The following ZNF214 variants were observed in gnomAD, a reference collection of about 807,000 sequenced individuals.
The protein encoded by ZNF214 is zinc finger protein 214.
A neutral mutation model predicts 53.9 loss-of-function variants in ZNF214; 43 were observed. The observed-to-expected ratio is 0.80, with a 90% CI of 0.63 to 1.03. ZNF214 has a LOEUF of 1.03. ZNF214 is among the 50% of genes least tolerant of loss of function. The pLI, the probability that ZNF214 is intolerant of heterozygous loss-of-function variation, is 0.00. For synonymous variants in ZNF214, 217 were observed against 229.5 expected (o/e 0.95, Z 0.49); for missense variants, 724 against 719.1 (o/e 1.01, Z -0.08).
At chr11:7,018,978 T>TCATC (rs1851846328) in intron 1 of ZNF214, among the ~76,000 whole-genome samples, 1 of 152,118 alleles carries the variant, frequency 6.6e-6, no homozygotes, top group Non-Finnish European at 1.5e-5. Context: ...TTCTGTCCAG[T>TCATC]CATCCATCCA....
chr11:7,009,549 T>C (rs185397284), intron 1 of ZNF214, among the ~76,000 whole-genome samples: 6 of 152,160 alleles, frequency 3.9e-5, no homozygotes, highest in South Asian at 2.1e-4. Context: ...CCAAAAGCAA[T>C]TGCAACAAAA....
intron 1 of ZNF214, chr11:7,016,036 A>G (rs1851755990): frequency 6.6e-6 from 1 of 152,206 alleles, no homozygotes; most frequent in South Asian, 2.1e-4. Context: ...TGGCAAAAAA[A>G]AAAAATTAAG....
In ZNF214 at chr11:6,999,667, CTA is replaced by C; in HGVS notation, c.*193_*194del. The C allele has an allele frequency of 2.0e-6, 1 of 499,904 alleles. No homozygotes were observed. Among genetic ancestry groups the C allele is most frequent in the Non-Finnish European group, 3.3e-6 (1 of 298,978 alleles). 31.0% of individuals were successfully genotyped at this position (499,904 alleles called of 1,614,324 possible). On this transcript the variant is annotated 3_prime_UTR_variant, in exon 3 of 3. Transcript: ENST00000278314. Reference sequence around the variant, plus strand: ...TTTATAGTAGGTAAAGAAAAATACACTATAATTTTAAATATATAGGGTTTTTT... The same window carrying C: ...TTTATAGTAGGTAAAGAAAAATACACTAATTTTAAATATATAGGGTTTTTT...
Position 7,001,246 on chromosome 11 carries a change from G to C in ZNF214, c.437C>G (p.Thr146Ser). The C allele has an allele frequency of 5.0e-6, 8 of 1,613,190 alleles. No individual in the cohort carries two copies. The highest frequency in any genetic ancestry group is 6.8e-6 in the Non-Finnish European group (8 of 1,179,494). ...GATTTCTCTACCATAGTCTTGAGTG[G>C]TTTTTGTTTCTAAGGACTGCCAAGG... ...FMPWQSLETK[T>S]TQDYGREIYM... Residue 146 changes from threonine to serine, a missense_variant, in exon 3 of 3, where the codon ACC becomes AGC. By Grantham distance (58) the Thr-to-Ser change is moderately conservative. Transcript: ENST00000278314.
chr11:7,004,479 A>G (rs551362090), intron 1 of ZNF214, among the ~76,000 whole-genome samples: 2 of 152,228 alleles, frequency 1.3e-5, no homozygotes, highest in East Asian at 1.9e-4. Flanking sequence ...CTTTCCATTC[A>G]AGAAGTGAAG....
Position 7,000,028 on chromosome 11 carries a change from T to G in ZNF214, c.1655A>C (p.Lys552Thr), listed in dbSNP as rs1317401797. The stretch of plus-strand genomic sequence containing the variant: ...ACCACACTTAGCACATTGATAAGGC[T>G]TCTCTCCTGTATGGACCCTCTGATG... ...HIHQRVHTGE[K>T]PYQCAKCGKG... Residue 552 changes from lysine to threonine, a missense_variant, in exon 3 of 3, where the codon AAG (lysine) becomes ACG (threonine). By Grantham distance (78) the Lys-to-Thr change is moderately conservative. Transcript: ENST00000278314. 1 of 1,613,370 alleles carries G rather than the reference T, an allele frequency of 6.2e-7. No individual in the cohort carries two copies. The highest frequency in any genetic ancestry group is 2.2e-5 in the East Asian group (1 of 44,850).
chr11:7,004,246 T>C (rs979254287), intron 1 of ZNF214, among the ~76,000 whole-genome samples: 7 of 152,050 alleles, frequency 4.6e-5, no homozygotes, highest in Non-Finnish European at 1.0e-4. Context: ...CCCAAATAAT[T>C]TAAGAAATAA....
In ZNF214 at chr11:7,001,295, T is replaced by A; in HGVS notation, c.388A>T (p.Asn130Tyr). The change falls in exon 3 of 3, where the codon AAC becomes TAC. Residue 130 changes from asparagine to tyrosine, a missense_variant. Coordinates refer to ENST00000278314, the MANE Select transcript of ZNF214 (RefSeq NM_013249.4). ...GGCATAAAATTTTTATATTTTAAGT[T>A]CCTGAGACTTTTGCTTTCAAAAGTC... is the stretch of plus-strand genomic sequence containing the variant. ...ELTFESKSLR[N>Y]LKYKNFMPWQ... 1 of 1,613,292 alleles carries A rather than the reference T, an allele frequency of 6.2e-7. No individual in the cohort carries two copies. Among genetic ancestry groups the A allele is most frequent in the African/African-American group, 1.3e-5 (1 of 74,974 alleles).
At chr11:7,013,562 T>G (rs1036632311) in intron 1 of ZNF214, among the ~76,000 whole-genome samples, 2 of 152,222 alleles carry the variant, frequency 1.3e-5, no homozygotes, top group Non-Finnish European at 2.9e-5. Context: ...TCACCACCTG[T>G]TTCTCTGTTG....
intron 1 of ZNF214, among the ~76,000 whole-genome samples, chr11:7,014,800 CTAA>C (rs1851713516): frequency 1.0e-5 from 1 of 97,528 alleles, no homozygotes; most frequent in Non-Finnish European, 2.0e-5. Context: ...AACCCTGTCT[CTAA>C]CAAAAAAAAA....
Position 6,997,733 on chromosome 11 carries a change from A to AC in ZNF214, c.*2128_*2129insG. Among the ~76,000 whole-genome samples the AC allele has an allele frequency of 6.6e-6, 1 of 151,954 alleles. No homozygotes were observed. The highest frequency in any genetic ancestry group is 1.9e-4 in the East Asian group (1 of 5,168). ...AACTAAAAACAGAAATGACCAGTTA[A>AC]ATTTGAATTTCAAATGTATGAAATT... is the stretch of plus-strand genomic sequence containing the variant. On this transcript the variant is annotated 3_prime_UTR_variant, in exon 3 of 3. Transcript: ENST00000278314.
In ZNF214 at chr11:7,012,618, C is replaced by G. The variant is rs372962356; in HGVS notation, c.-21+7455G>C. The stretch of plus-strand genomic sequence containing the variant: ...AATAAAAATAAGATTAGGGAAATAG[C>G]AACTACAACCTTTAAAAATAACTGG... On this transcript the variant is annotated intron_variant, in intron 1 of 2. Transcript: ENST00000278314. Among the ~76,000 whole-genome samples the G allele has an allele frequency of 1.8e-4, 28 of 152,190 alleles. No individual in the cohort carries two copies. In the East Asian group the frequency reaches 2.7e-3, roughly 15 times the overall value.
intron 1 of ZNF214, among the ~76,000 whole-genome samples, chr11:7,006,916 A>C (rs2133394922): frequency 6.6e-6 from 1 of 152,166 alleles, no homozygotes; most frequent in South Asian, 2.1e-4. Context: ...AATCCAGGAA[A>C]GGCTGCATGA....
chr11:7,002,444 C>T (rs1044507972), intron 2 of ZNF214, among the ~76,000 whole-genome samples: 1 of 151,908 alleles, frequency 6.6e-6, no homozygotes, highest in Non-Finnish European at 1.5e-5. Context: ...TAGGACCACA[C>T]AAAATTGACT....
intron 1 of ZNF214, among the ~76,000 whole-genome samples, chr11:7,010,910 C>T (rs1405747757): frequency 1.3e-5 from 2 of 151,034 alleles, no homozygotes; most frequent in Non-Finnish European, 3.0e-5. Context: ...GGCAAATACA[C>T]CTAAATATGT....
intron 1 of ZNF214, among the ~76,000 whole-genome samples, chr11:7,014,683 T>G (rs1197190089): frequency 6.6e-6 from 1 of 151,928 alleles, no homozygotes; most frequent in Non-Finnish European, 1.5e-5. Context: ...TATGCTGATT[T>G]AGGCTGGGCA....
Position 7,000,265 on chromosome 11 carries a change from G to A in ZNF214, c.1418C>T (p.Pro473Leu), listed in dbSNP as rs868553038. 6.2e-7 allele frequency: 1 copy of A among 1,612,784 alleles called. No individual in the cohort carries two copies. The highest frequency in any genetic ancestry group is 1.3e-5 in the African/African-American group (1 of 74,748). ...VHTGEKPYTCPECGKGFSKSS... is the reference protein window; with the variant it reads ...VHTGEKPYTCLECGKGFSKSS... ...CTTACTGAAGCCCTTCCCACATTCA[G>A]GACAAGTATAGGGTTTCTCCCCTGT... is the stretch of plus-strand genomic sequence containing the variant. The change falls in exon 3 of 3, where the codon CCT (proline) becomes CTT (leucine). Residue 473 changes from proline (P) to leucine (L), a missense_variant. By Grantham distance (98) the Pro-to-Leu change is moderately conservative. Coordinates refer to ENST00000278314, the MANE Select transcript of ZNF214 (RefSeq NM_013249.4).
chr11:7,008,431 T>TTAAA (rs751268652), intron 1 of ZNF214, among the ~76,000 whole-genome samples: 6 of 151,984 alleles, frequency 3.9e-5, no homozygotes, highest in Non-Finnish European at 5.9e-5. Flanking sequence ...AGATGCTGTC[T>TTAAA]TAAATAAATA....
chr11:7,012,661 A>G (rs1851633527), intron 1 of ZNF214, among the ~76,000 whole-genome samples: 2 of 152,196 alleles, frequency 1.3e-5, no homozygotes, highest in South Asian at 4.1e-4. Context: ...GTTTTCTCAA[A>G]TTCTTTCAAA....
Sources: gnomAD v4.1 joint callset for allele counts (sites outside exome capture counted in the v4.1 genomes callset) on GRCh38, gnomAD v4.1.1 for gene constraint, MANE v1.5 for transcripts, NCBI Gene and HGNC (gene_info 2026-07-23, HGNC 2026-07-21) for gene names.